Variants in ENOX1 observed in about 807,000 individuals in gnomAD.
The protein encoded by ENOX1 is ecto-NOX disulfide-thiol exchanger 1.
In ENOX1, 42 loss-of-function variants were observed where a neutral mutation model predicts 82.5. The observed-to-expected ratio is 0.51, with a 90% confidence interval of 0.40 to 0.66. The LOEUF is 0.66. Ranked by LOEUF, ENOX1 falls within the 30% of genes least tolerant of loss-of-function variation. The probability of loss-of-function intolerance (pLI) is 0.00; values close to 1 mark genes in which losing one functional copy is unlikely to be tolerated. For synonymous variants in ENOX1, 271 were observed against 282.2 expected (o/e 0.96, Z 0.40); for missense variants, 608 against 811.6 (o/e 0.75, Z 3.05).
At chr13:43,592,923 C>A (rs2081307262) in intron 2 of ENOX1, among the ~76,000 whole-genome samples, 1 of 152,198 alleles carries the variant, frequency 6.6e-6, no homozygotes. Context: ...GATACCCATA[C>A]AAAAACACTT....
In ENOX1 at chr13:43,236,622, C is replaced by T. The variant is rs780181898; in HGVS notation, c.1714+14G>A. The stretch of plus-strand genomic sequence containing the variant: ...TATTTAAGAGAACAGATGAAGAAAA[C>T]AGAATTTCCTTACCTATTAGCAGAG... On this transcript the variant is annotated intron_variant, in intron 15 of 16. Coordinates refer to ENST00000690772, the MANE Select transcript of ENOX1 (RefSeq NM_001347969.2). 3 of 1,490,156 alleles carry T rather than the reference C, an allele frequency of 2.0e-6. No homozygotes were observed. Among genetic ancestry groups the T allele is most frequent in the Admixed American group, 4.6e-5 (2 of 43,070 alleles). The allele number at this position is 1,490,156 out of a possible 1,614,324, so 92.3% of individuals were successfully genotyped here.
chr13:43,633,688 A>G (rs1011634399), intron 2 of ENOX1, among the ~76,000 whole-genome samples: 64 of 150,198 alleles, frequency 4.3e-4, no homozygotes, highest in Admixed American at 1.7e-3. Context: ...AAATGTGTGT[A>G]TGTGTGTGTG....
At chr13:43,632,799 C>T (rs2083273352) in intron 2 of ENOX1, among the ~76,000 whole-genome samples, 1 of 151,908 alleles carries the variant, frequency 6.6e-6, no homozygotes, top group African/African-American at 2.4e-5. Context: ...TAATAAAATA[C>T]CATTTTTGAG....
chr13:43,238,766 T>A (rs1308919027), intron 14 of ENOX1, among the ~76,000 whole-genome samples: 1 of 152,112 alleles, frequency 6.6e-6, no homozygotes, highest in African/African-American at 2.4e-5. Flanking sequence ...ACAGCCTGGA[T>A]GATAATTGGG....
At chr13:43,427,342 C>G (rs1343629638) in intron 3 of ENOX1, among the ~76,000 whole-genome samples, 1 of 152,154 alleles carries the variant, frequency 6.6e-6, no homozygotes, top group South Asian at 2.1e-4. Context: ...AGATGTTATT[C>G]CAACTTTTTA....
intron 2 of ENOX1, among the ~76,000 whole-genome samples, chr13:43,584,755 T>C (rs1258389961): frequency 1.3e-5 from 2 of 152,224 alleles, no homozygotes; most frequent in East Asian, 3.8e-4. Context: ...ACCAGCACTT[T>C]GCTTGTAGGC....
intron 8 of ENOX1, among the ~76,000 whole-genome samples, chr13:43,349,667 T>G (rs9316015): frequency 0.22 from 33,343 of 152,188 alleles, 4,076 homozygotes; most frequent in Admixed American, 0.37. Flanking sequence ...AGAATTGGAA[T>G]CTGCATTTTA....
chr13:43,763,146 G>C (rs1448569985), intron 1 of ENOX1, among the ~76,000 whole-genome samples: 1 of 152,218 alleles, frequency 6.6e-6, no homozygotes, highest in Non-Finnish European at 1.5e-5. Flanking sequence ...AGTTTGCTAA[G>C]TGGAAGAGTT....
intron 1 of ENOX1, among the ~76,000 whole-genome samples, chr13:43,724,963 T>C (rs7994821): frequency 0.14 from 21,001 of 152,140 alleles, 2,908 homozygotes; most frequent in African/African-American, 0.35. Context: ...CTCTCTTATT[T>C]TCATCATGAC....
At chr13:43,508,830 A>T (rs2077268125) in intron 2 of ENOX1, among the ~76,000 whole-genome samples, 1 of 152,034 alleles carries the variant, frequency 6.6e-6, no homozygotes, top group African/African-American at 2.4e-5. Context: ...AAAAATTATT[A>T]GTTTTTCTTT....
intron 1 of ENOX1, among the ~76,000 whole-genome samples, chr13:43,758,017 T>C (rs1321682268): frequency 1.3e-5 from 2 of 152,130 alleles, no homozygotes; most frequent in African/African-American, 4.8e-5. Context: ...AGCAGATTAC[T>C]TCAGGTCAGG....
chr13:43,267,593 A>G (rs7334517), intron 13 of ENOX1, among the ~76,000 whole-genome samples: 25,073 of 152,210 alleles, frequency 0.16, 2,720 homozygotes, highest in East Asian at 0.6. Context: ...GTTTACGCAT[A>G]GAGTTACTCT....
intron 1 of ENOX1, among the ~76,000 whole-genome samples, chr13:43,679,575 G>C (rs2085683247): frequency 6.6e-6 from 1 of 152,166 alleles, no homozygotes; most frequent in South Asian, 2.1e-4. Flanking sequence ...TTTCTATTTG[G>C]AGATGTTTTT....
chr13:43,471,033 C>A (rs903051362), intron 3 of ENOX1, among the ~76,000 whole-genome samples: 1 of 152,274 alleles, frequency 6.6e-6, no homozygotes, highest in East Asian at 1.9e-4. Flanking sequence ...TAAATGAAGA[C>A]CTATGCCCTC....
chr13:43,695,474 G>C (rs1185526660), intron 1 of ENOX1, among the ~76,000 whole-genome samples: 1 of 127,518 alleles, frequency 7.8e-6, no homozygotes, highest in Non-Finnish European at 1.6e-5. Flanking sequence ...TGGAGACAGA[G>C]TCTTGTTCTG....
intron 2 of ENOX1, among the ~76,000 whole-genome samples, chr13:43,621,996 A>G (rs552607444): frequency 4.3e-4 from 66 of 152,068 alleles, no homozygotes; most frequent in Non-Finnish European, 9.0e-4. Context: ...TAATTCGAAG[A>G]CCCTGTCTTC....
At chr13:43,348,541 C>T (rs1445394272) in intron 8 of ENOX1, among the ~76,000 whole-genome samples, 1 of 152,204 alleles carries the variant, frequency 6.6e-6, no homozygotes, top group Non-Finnish European at 1.5e-5. Context: ...ATTGCAGATA[C>T]AAGCAATTCA....
intron 12 of ENOX1, among the ~76,000 whole-genome samples, chr13:43,298,060 CA>C (rs2046372386): frequency 6.6e-6 from 1 of 152,202 alleles, no homozygotes; most frequent in Non-Finnish European, 1.5e-5. Flanking sequence ...AGGTATTTGC[CA>C]TGGGGCTATA....
At chr13:43,642,422 GAA>G (rs1379308795) in intron 2 of ENOX1, among the ~76,000 whole-genome samples, 1 of 152,136 alleles carries the variant, frequency 6.6e-6, no homozygotes, top group African/African-American at 2.4e-5. Context: ...GTTTAAACAA[GAA>G]AGTTTCCAAC....
Sources: gnomAD v4.1 joint callset for allele counts (sites outside exome capture counted in the v4.1 genomes callset) on GRCh38, gnomAD v4.1.1 for gene constraint, MANE v1.5 for transcripts, NCBI Gene and HGNC (gene_info 2026-07-23, HGNC 2026-07-21) for gene names.